The following STIM1 variants were observed in gnomAD, a reference collection of about 807,000 sequenced individuals.
The protein encoded by STIM1 is stromal interaction molecule 1.
Under a neutral mutation model 74.7 loss-of-function variants are expected in STIM1, and 25 were observed. The observed-to-expected ratio is 0.33, with a 90% CI of 0.24 to 0.47. STIM1 has a LOEUF of 0.47. STIM1 is among the 20% of genes least tolerant of loss of function. The probability of loss-of-function intolerance (pLI) is 1.00; values close to 1 mark genes in which losing one functional copy is unlikely to be tolerated. For synonymous variants in STIM1, 328 were observed against 348.8 expected (o/e 0.94, Z 0.66); for missense variants, 728 against 920.8 (o/e 0.79, Z 2.71).
chr11:3,903,543 A>G (rs2092400010), intron 1 of STIM1: 1 of 152,202 alleles, frequency 6.6e-6, no homozygotes, highest in Non-Finnish European at 1.5e-5. Context: ...AAAGAATTTT[A>G]ACCTTAAGGA....
chr11:3,939,137 G>A (rs532147942), intron 1 of STIM1, among the ~76,000 whole-genome samples: 1 of 152,316 alleles, frequency 6.6e-6, no homozygotes, highest in East Asian at 1.9e-4. Flanking sequence ...CAATAGAATT[G>A]AGACTAGATA....
At chr11:3,885,386 C>A (rs2091668199) in intron 1 of STIM1, among the ~76,000 whole-genome samples, 1 of 151,858 alleles carries the variant, frequency 6.6e-6, no homozygotes, top group Non-Finnish European at 1.5e-5. Context: ...AGGGTTTTGC[C>A]ATGTTGCCTA....
chr11:3,855,435 G>A (rs1038931827), upstream of STIM1: 4 of 151,450 alleles, frequency 2.6e-5, no homozygotes, highest in African/African-American at 9.7e-5. Flanking sequence ...AGGGAAGCTG[G>A]GACTTGATCC....
chr11:4,077,018 G>A (rs2094441261), intron 7 of STIM1, among the ~76,000 whole-genome samples: 1 of 151,450 alleles, frequency 6.6e-6, no homozygotes, highest in Non-Finnish European at 1.5e-5. Context: ...ATTATATGCT[G>A]TTCGTAAGAG....
chr11:3,908,891 C>A (rs2092513522), intron 1 of STIM1, among the ~76,000 whole-genome samples: 1 of 152,134 alleles, frequency 6.6e-6, no homozygotes, highest in African/African-American at 2.4e-5. Flanking sequence ...GCCTAAAATA[C>A]ACCTGGAAAA....
intron 1 of STIM1, among the ~76,000 whole-genome samples, chr11:3,921,646 G>A (rs934580207): frequency 6.7e-6 from 1 of 148,356 alleles, no homozygotes; most frequent in South Asian, 2.1e-4. Context: ...TTCCATCAAG[G>A]GGTGGAGTCT....
At chr11:3,978,678 C>G (rs190701992) in intron 2 of STIM1, among the ~76,000 whole-genome samples, 1 of 151,868 alleles carries the variant, frequency 6.6e-6, no homozygotes, top group Non-Finnish European at 1.5e-5. Flanking sequence ...TGAGAATCAC[C>G]TGAACCCCAG....
intron 2 of STIM1, among the ~76,000 whole-genome samples, chr11:3,979,579 A>G (rs545345659): frequency 3.8e-4 from 58 of 152,210 alleles, no homozygotes; most frequent in African/African-American, 1.3e-3. Context: ...CCAAGTAGGT[A>G]GGACTACAGG....
At chr11:3,883,510 C>T (rs189085167) in intron 1 of STIM1, among the ~76,000 whole-genome samples, 1,616 of 152,310 alleles carry the variant, frequency 0.011, 32 homozygotes, top group African/African-American at 0.037. Context: ...TGCGCCACCA[C>T]GCCCAGCTAA....
intron 2 of STIM1, among the ~76,000 whole-genome samples, chr11:4,023,539 T>C (rs1056849272): frequency 6.6e-6 from 1 of 152,230 alleles, no homozygotes; most frequent in African/African-American, 2.4e-5. Flanking sequence ...AAGCAAGTAC[T>C]CAAACATTTT....
At position 3,879,768 on chromosome 11, in the gene STIM1, A is replaced by G. The variant is rs377606437; in HGVS notation, c.139+23359A>G. Among the ~76,000 whole-genome samples, 25 of 152,042 alleles carry G rather than the reference A, an allele frequency of 1.6e-4. No homozygotes were observed. In the South Asian group the frequency reaches 1.7e-3, roughly 10 times the overall value. ...CTCTTCTACATTTGTTTTTTTCCTT[A>G]CCATTTCCCCTCTTGCCTTCAAGGG... On this transcript the variant is annotated intron_variant, in intron 1 of 12. Transcript: ENST00000526596.
chr11:3,923,275 T>G (rs1359020902), intron 1 of STIM1, among the ~76,000 whole-genome samples: 1 of 152,120 alleles, frequency 6.6e-6, no homozygotes, highest in Non-Finnish European at 1.5e-5. Context: ...ATTTTTTTCC[T>G]TCTGTGTATA....
At chr11:3,970,332 T>G (rs536287462) in intron 2 of STIM1, among the ~76,000 whole-genome samples, 1 of 152,282 alleles carries the variant, frequency 6.6e-6, no homozygotes, top group African/African-American at 2.4e-5. Context: ...GGCCTGCTGG[T>G]CTAGGTTTGC....
chr11:4,042,573 T>G lies in STIM1; in HGVS notation c.386-12953T>G, dbSNP rs558385447. ...ATGTTTTTTCCCCCTAATGAATATA[T>G]TATTTTGGAGTTTGAGACCACTTGT... is the stretch of plus-strand genomic sequence containing the variant. On this transcript the variant is annotated intron_variant, in intron 3 of 12. Coordinates refer to ENST00000526596, the MANE Select transcript of STIM1 (RefSeq NM_001382567.1). 2.6e-5 allele frequency among the ~76,000 whole-genome samples: 4 copies of G among 152,302 alleles called. No homozygotes were observed. The South Asian group carries it at 8.3e-4, about 32-fold the overall frequency.
At chr11:4,012,335 A>T (rs546612917) in intron 2 of STIM1, among the ~76,000 whole-genome samples, 1 of 152,282 alleles carries the variant, frequency 6.6e-6, no homozygotes, top group East Asian at 1.9e-4. Context: ...TTTTCATGAT[A>T]TTGATTCTTC....
intron 1 of STIM1, among the ~76,000 whole-genome samples, chr11:3,895,773 T>G: frequency 1.1e-5 from 1 of 87,504 alleles, no homozygotes; most frequent in East Asian, 3.3e-4. Flanking sequence ...CCTTCCTTCC[T>G]TCCTTCCTTC....
At chr11:3,949,994 G>T (rs1463434645) in intron 1 of STIM1, among the ~76,000 whole-genome samples, 1 of 152,034 alleles carries the variant, frequency 6.6e-6, no homozygotes. Context: ...TCCATTTCTA[G>T]AATTTTATCC....
chr11:4,078,070 T>G (rs2094446625), intron 7 of STIM1, among the ~76,000 whole-genome samples: 1 of 152,230 alleles, frequency 6.6e-6, no homozygotes, highest in African/African-American at 2.4e-5. Flanking sequence ...TCTAATAATT[T>G]ATTTTTATTA....
chr11:3,920,769 A>T (rs1005344242), intron 1 of STIM1, among the ~76,000 whole-genome samples: 2 of 151,082 alleles, frequency 1.3e-5, no homozygotes, highest in African/African-American at 4.9e-5. Flanking sequence ...GAGTAGTGCT[A>T]CCCTGAAGTA....
Sources: allele counts gnomAD v4.1 joint callset (sites outside exome capture counted in the v4.1 genomes callset), GRCh38; gene constraint gnomAD v4.1.1; transcripts MANE v1.5; gene names NCBI Gene and HGNC (gene_info 2026-07-23, HGNC 2026-07-21).